ADAMTSL1: variants seen among roughly 807,000 people sequenced by gnomAD.
ADAMTSL1 encodes ADAMTS-like protein 1.
A neutral mutation model predicts 201.8 loss-of-function variants in ADAMTSL1; 126 were observed. The ratio of observed to expected loss-of-function variants is 0.62; its 90% CI spans 0.54 to 0.72. The LOEUF (loss-of-function observed/expected upper bound fraction) is 0.72. Among genes scored for constraint, ADAMTSL1 ranks in the 30% least tolerant of loss-of-function variants. ADAMTSL1 has a pLI of 0.00. For missense variants in ADAMTSL1, 2,679 were observed against 2,277.8 expected (o/e 1.18, Z -3.59); for synonymous variants, 1,121 against 903.4 (o/e 1.24, Z -4.32).
intron 2 of ADAMTSL1, among the ~76,000 whole-genome samples, chr9:18,306,766 C>G (rs544343903): frequency 6.6e-6 from 1 of 152,316 alleles, no homozygotes; most frequent in South Asian, 2.1e-4. Flanking sequence ...TTGGAAAACA[C>G]TCTTCAGTAT....
chr9:18,068,611 C>T (rs953642282), intron 1 of ADAMTSL1, among the ~76,000 whole-genome samples: 7 of 152,094 alleles, frequency 4.6e-5, no homozygotes, highest in African/African-American at 7.2e-5. Flanking sequence ...TAAAGGGAAA[C>T]GCAAACCAAG....
At chr9:18,480,100 C>G (rs1330858551) in intron 1 of ADAMTSL1, among the ~76,000 whole-genome samples, 2 of 152,158 alleles carry the variant, frequency 1.3e-5, no homozygotes, top group Non-Finnish European at 2.9e-5. Flanking sequence ...AACTTGTCCT[C>G]AGGAAGAAAA....
chr9:18,889,787 AG>A, intron 25 of ADAMTSL1, 39 bp downstream of exon 25: 2 of 1,417,922 alleles, frequency 1.4e-6, no homozygotes, highest in Non-Finnish European at 1.8e-6. Flanking sequence ...TCCCCACCCT[AG>A]GAGGAGCCCT....
chr9:18,035,841 T>G (rs1189812843), intron 1 of ADAMTSL1, among the ~76,000 whole-genome samples: 1 of 152,180 alleles, frequency 6.6e-6, no homozygotes, highest in Non-Finnish European at 1.5e-5. Flanking sequence ...AGTAATTATA[T>G]GTTGAATTAA....
At chr9:18,785,611 T>C (rs1821664565) in intron 19 of ADAMTSL1, among the ~76,000 whole-genome samples, 1 of 152,222 alleles carries the variant, frequency 6.6e-6, no homozygotes, top group South Asian at 2.1e-4. Flanking sequence ...AGTCATTCTA[T>C]ATAAACACTG....
intron 2 of ADAMTSL1, among the ~76,000 whole-genome samples, chr9:18,463,693 T>G (rs374475207): frequency 5.6e-4 from 85 of 152,308 alleles, no homozygotes; most frequent in African/African-American, 1.9e-3. Context: ...TCTTCCTCTT[T>G]AAGGTTGAGT....
At chr9:18,799,749 T>G (rs1468507480) in intron 20 of ADAMTSL1, among the ~76,000 whole-genome samples, 2 of 152,106 alleles carry the variant, frequency 1.3e-5, no homozygotes, top group South Asian at 2.1e-4. Flanking sequence ...TAGCATGTTT[T>G]TTTGCTCTTT....
chr9:18,152,557 G>A (rs1399222874), intron 1 of ADAMTSL1, among the ~76,000 whole-genome samples: 1 of 151,900 alleles, frequency 6.6e-6, no homozygotes, highest in East Asian at 1.9e-4. Context: ...TGGGTTGGAG[G>A]CCCAGGAGGA....
intron 1 of ADAMTSL1, among the ~76,000 whole-genome samples, chr9:18,491,326 A>T (rs1396335291): frequency 6.6e-6 from 1 of 152,220 alleles, no homozygotes; most frequent in Non-Finnish European, 1.5e-5. Context: ...CTGAGACATT[A>T]ATCTATTAAC....
intron 1 of ADAMTSL1, among the ~76,000 whole-genome samples, chr9:18,134,297 CA>C (rs1826068878): frequency 6.6e-6 from 1 of 152,138 alleles, no homozygotes; most frequent in African/African-American, 2.4e-5. Context: ...TGAACTTCTG[CA>C]GAGGCAAGTT....
intron 25 of ADAMTSL1, chr9:18,890,596 A>G (rs991805286): frequency 2.2e-6 from 1 of 455,884 alleles, no homozygotes; most frequent in African/African-American, 2.0e-5. Flanking sequence ...GATTCGATGA[A>G]ATATGAAACA....
chr9:18,581,798 A>C (rs1823113759), intron 4 of ADAMTSL1, among the ~76,000 whole-genome samples: 1 of 152,198 alleles, frequency 6.6e-6, no homozygotes, highest in Non-Finnish European at 1.5e-5. Flanking sequence ...CTAGATTTCA[A>C]GGCCTGAGAA....
intron 1 of ADAMTSL1, among the ~76,000 whole-genome samples, chr9:17,944,626 A>C (rs1169585750): frequency 6.9e-6 from 1 of 144,586 alleles, no homozygotes; most frequent in Non-Finnish European, 1.5e-5. Flanking sequence ...GATATAGATC[A>C]ATGGAACAGA....
chr9:18,368,695 A>C (rs1265656932), intron 2 of ADAMTSL1, among the ~76,000 whole-genome samples: 1 of 152,186 alleles, frequency 6.6e-6, no homozygotes, highest in Non-Finnish European at 1.5e-5. Context: ...ATTGTATCAC[A>C]TGCTGCCTTC....
At chr9:18,298,024 A>C (rs538500639) in intron 2 of ADAMTSL1, among the ~76,000 whole-genome samples, 2 of 152,216 alleles carry the variant, frequency 1.3e-5, no homozygotes, top group Non-Finnish European at 2.9e-5. Context: ...ACAGACCTGC[A>C]GGTTTGAATT....
intron 23 of ADAMTSL1, among the ~76,000 whole-genome samples, chr9:18,860,989 C>T (rs937117691): frequency 2.6e-5 from 4 of 152,166 alleles, no homozygotes; most frequent in South Asian, 2.1e-4. Context: ...CACTTCCATT[C>T]GTTATGCAGA....
intron 2 of ADAMTSL1, among the ~76,000 whole-genome samples, chr9:18,196,635 A>G (rs1829194731): frequency 6.6e-6 from 1 of 151,970 alleles, no homozygotes; most frequent in Non-Finnish European, 1.5e-5. Context: ...CCGATCATCT[A>G]TACTCAACTT....
intron 1 of ADAMTSL1, among the ~76,000 whole-genome samples, chr9:18,042,863 C>G (rs1360797109): frequency 6.6e-6 from 1 of 152,076 alleles, no homozygotes; most frequent in Non-Finnish European, 1.5e-5. Flanking sequence ...ATGACATCCT[C>G]CCAAGTTTGT....
intron 2 of ADAMTSL1, among the ~76,000 whole-genome samples, chr9:18,381,769 A>C (rs1837566767): frequency 6.6e-6 from 1 of 152,088 alleles, no homozygotes; most frequent in African/African-American, 2.4e-5. Flanking sequence ...CCGAGAACCC[A>C]TTTGGAGCAG....
Sources: gnomAD v4.1 joint callset for allele counts (sites outside exome capture counted in the v4.1 genomes callset) on GRCh38, gnomAD v4.1.1 for gene constraint, MANE v1.5 for transcripts, NCBI Gene and HGNC (gene_info 2026-07-23, HGNC 2026-07-21) for gene names.